The following SV2C variants were observed in gnomAD, a reference collection of about 807,000 sequenced individuals.
SV2C encodes the protein solute carrier family 22 member B3.
Under a neutral mutation model 79.7 loss-of-function variants are expected in SV2C, and 49 were observed. That is an observed-to-expected ratio of 0.61 (90% confidence interval 0.49 to 0.78). SV2C has a LOEUF of 0.78. Among genes scored for constraint, SV2C ranks in the 30% least tolerant of loss-of-function variants. The probability of loss-of-function intolerance (pLI) is 0.00; values close to 1 mark genes in which losing one functional copy is unlikely to be tolerated. For missense variants in SV2C, 833 were observed against 912.9 expected (o/e 0.91, Z 1.13); for synonymous variants, 334 against 333.2 (o/e 1.00, Z -0.03).
intron 8 of SV2C, among the ~76,000 whole-genome samples, 164 bp downstream of exon 8, chr5:76,292,020 G>A (rs1355496652): frequency 6.6e-6 from 1 of 152,140 alleles, no homozygotes; most frequent in Non-Finnish European, 1.5e-5. Flanking sequence ...TTATAAACCA[G>A]TTATTTTATT....
chr5:76,262,584 C>T (rs1746510583), intron 4 of SV2C, among the ~76,000 whole-genome samples: 1 of 152,206 alleles, frequency 6.6e-6, no homozygotes, highest in Non-Finnish European at 1.5e-5. Flanking sequence ...ATAAATTTCC[C>T]TCTAAACACT....
the SV2C span, among the ~76,000 whole-genome samples, chr5:75,918,456 T>C: frequency 6.6e-6 from 1 of 152,254 alleles, no homozygotes; most frequent in Non-Finnish European, 1.5e-5. Context: ...GCAAATGTTA[T>C]ATCTTCGTGA....
the SV2C span, among the ~76,000 whole-genome samples, chr5:75,869,732 A>G: frequency 3.4e-3 from 524 of 152,168 alleles, 1 homozygote; most frequent in African/African-American, 0.012. Context: ...TTCAGATCTG[A>G]CCTGCCACAG....
chr5:75,880,058 A>G, the SV2C span, among the ~76,000 whole-genome samples: 2 of 152,174 alleles, frequency 1.3e-5, no homozygotes, highest in Non-Finnish European at 2.9e-5. Context: ...TAGCAAGGGT[A>G]TGGGGAGCAG....
At chr5:75,925,240 C>T in the SV2C span, among the ~76,000 whole-genome samples, 8 of 152,244 alleles carry the variant, frequency 5.3e-5, no homozygotes, top group African/African-American at 1.9e-4. Context: ...GACTTCTGTG[C>T]CATCAGGCTC....
chr5:76,289,279 C>T (rs2112501792), intron 6 of SV2C, among the ~76,000 whole-genome samples: 1 of 152,228 alleles, frequency 6.6e-6, no homozygotes, highest in South Asian at 2.1e-4. Flanking sequence ...CCACTTTAAC[C>T]CTATTCACTC....
the SV2C span, among the ~76,000 whole-genome samples, chr5:76,078,007 A>G: frequency 6.6e-6 from 1 of 152,234 alleles, no homozygotes; most frequent in African/African-American, 2.4e-5. Context: ...AGGAAGTGAC[A>G]TCAACTTAGG....
the SV2C span, among the ~76,000 whole-genome samples, chr5:75,874,597 G>C: frequency 6.6e-6 from 1 of 152,130 alleles, no homozygotes; most frequent in African/African-American, 2.4e-5. Context: ...ATCCAAATAG[G>C]AAGAGAGGAA....
At chr5:75,972,338 A>C in the SV2C span, among the ~76,000 whole-genome samples, 58 of 152,244 alleles carry the variant, frequency 3.8e-4, no homozygotes, top group Middle Eastern at 3.4e-3. Flanking sequence ...GGATCTAATT[A>C]AACTAAAGAG....
At chr5:76,338,636 ATTTTC>A (rs1457919756), downstream of SV2C, among the ~76,000 whole-genome samples, 1 of 143,186 alleles carries the variant, frequency 7.0e-6, no homozygotes, top group East Asian at 2.0e-4. Context: ...CAACCATAGT[ATTTTC>A]TTTTTCTTTT....
chr5:76,324,062 TAAAGA>T (rs1390645108), intron 12 of SV2C, among the ~76,000 whole-genome samples: 1 of 152,158 alleles, frequency 6.6e-6, no homozygotes, highest in Non-Finnish European at 1.5e-5. Context: ...CATAATTAAT[TAAAGA>T]AAATAGGGAG....
chr5:75,946,328 A>AT, the SV2C span, among the ~76,000 whole-genome samples: 1 of 152,040 alleles, frequency 6.6e-6, no homozygotes, highest in African/African-American at 2.4e-5. Context: ...AAAGATCATC[A>AT]TTTTCCATTG....
the SV2C span, among the ~76,000 whole-genome samples, chr5:76,042,557 C>T: frequency 6.6e-6 from 1 of 152,140 alleles, no homozygotes. Flanking sequence ...CATTCAGGGC[C>T]CTTTGGCAGT....
At chr5:76,135,825 G>T (rs553125277) in intron 2 of SV2C, among the ~76,000 whole-genome samples, 3 of 152,200 alleles carry the variant, frequency 2.0e-5, no homozygotes, top group Middle Eastern at 3.4e-3. Flanking sequence ...TGGTTGTTGA[G>T]GGGGGCAGGT....
At chr5:75,954,486 G>C in the SV2C span, among the ~76,000 whole-genome samples, 7 of 151,918 alleles carry the variant, frequency 4.6e-5, no homozygotes, top group Non-Finnish European at 1.0e-4. Flanking sequence ...ACTGGCACAA[G>C]ACAGGGATGC....
the SV2C span, among the ~76,000 whole-genome samples, chr5:75,997,133 G>A: frequency 1.3e-5 from 2 of 151,542 alleles, no homozygotes; most frequent in African/African-American, 4.9e-5. Context: ...GTCATAGATA[G>A]CTCTTATTAT....
At chr5:76,178,777 A>G (rs1743621738) in intron 2 of SV2C, among the ~76,000 whole-genome samples, 1 of 152,062 alleles carries the variant, frequency 6.6e-6, no homozygotes, top group Admixed American at 6.5e-5. Context: ...GGCAGATTGG[A>G]TTTGGGAATT....
At chr5:75,870,799 C>T in the SV2C span, among the ~76,000 whole-genome samples, 3 of 152,190 alleles carry the variant, frequency 2.0e-5, no homozygotes, top group African/African-American at 7.2e-5. Flanking sequence ...TACAATGAAG[C>T]TCCAATACAT....
chr5:75,871,794 G>A, the SV2C span, among the ~76,000 whole-genome samples: 4 of 149,962 alleles, frequency 2.7e-5, no homozygotes, highest in South Asian at 8.4e-4. Flanking sequence ...GCAACAGAGC[G>A]AGACTCTGTC....
Sources: allele counts gnomAD v4.1 joint callset (sites outside exome capture counted in the v4.1 genomes callset), GRCh38; gene constraint gnomAD v4.1.1; transcripts MANE v1.5; gene names NCBI Gene and HGNC (gene_info 2026-07-23, HGNC 2026-07-21).